Variants in GRAMD1C observed in about 807,000 individuals in gnomAD.
The protein encoded by GRAMD1C is GRAM domain containing 1C.
GRAMD1C carries 89 observed loss-of-function variants against 97.8 expected under a neutral mutation model. The observed-to-expected ratio is 0.91, with a 90% CI of 0.77 to 1.09. The LOEUF (loss-of-function observed/expected upper bound fraction) is 1.09, where lower values mean the gene tolerates loss of function less well. GRAMD1C is among the 50% of genes least tolerant of loss of function. The pLI is 0.00. For synonymous variants in GRAMD1C, 256 were observed against 267.0 expected, an observed-to-expected ratio of 0.96 and a Z score of 0.40; for missense variants, 740 against 766.4, an observed-to-expected ratio of 0.97 and a Z score of 0.41.
chr3:113,861,574 A>AT (rs1934375776), intron 2 of GRAMD1C, among the ~76,000 whole-genome samples: 2 of 152,226 alleles, frequency 1.3e-5, no homozygotes, highest in South Asian at 2.1e-4. Context: ...AAATGAAAAG[A>AT]TCACCCACAG....
upstream of GRAMD1C, among the ~76,000 whole-genome samples, chr3:113,834,806 G>A (rs1442964525): frequency 1.3e-5 from 2 of 151,508 alleles, no homozygotes; most frequent in Non-Finnish European, 2.9e-5. Flanking sequence ...TGGGCGTGGT[G>A]GTGGGCACCT....
At chr3:113,886,193 A>G (rs529210294) in intron 6 of GRAMD1C, among the ~76,000 whole-genome samples, 1 of 152,118 alleles carries the variant, frequency 6.6e-6, no homozygotes, top group Non-Finnish European at 1.5e-5. Flanking sequence ...CTCCACTTGG[A>G]GTCTGGATGG....
chr3:113,885,127 T>G (rs1935417514), intron 6 of GRAMD1C, among the ~76,000 whole-genome samples: 1 of 151,788 alleles, frequency 6.6e-6, no homozygotes, highest in South Asian at 2.1e-4. Flanking sequence ...CCGCTGGGCT[T>G]TCCCCTCGCC....
rs1248468192 is a variant in GRAMD1C, at chr3:113,936,329, C to G, written c.1520C>G (p.Thr507Ser). The change falls in exon 14 of 18, where the codon ACT (threonine) becomes AGT (serine). Residue 507 changes from threonine to serine, a missense_variant. By Grantham distance (58) the Thr-to-Ser change is moderately conservative. Coordinates refer to ENST00000358160, the MANE Select transcript of GRAMD1C (RefSeq NM_017577.5). ...NQAIEDPGKLTGLRRRRRTFN... is the reference protein window; with the variant it reads ...NQAIEDPGKLSGLRRRRRTFN... ...GCCATTGAAGACCCTGGAAAACTTA[C>G]TGGCCTACGAAGGAGAAGGCGAACC... 6.2e-7 allele frequency: 1 copy of G among 1,609,594 alleles called. No individual in the cohort carries two copies. The highest frequency in any genetic ancestry group is 2.2e-5 in the East Asian group (1 of 44,840).
intron 1 of GRAMD1C, among the ~76,000 whole-genome samples, chr3:113,833,245 C>T (rs1709585142): frequency 1.3e-5 from 2 of 150,924 alleles, no homozygotes; most frequent in Admixed American, 6.6e-5. Flanking sequence ...TCAAGCAATT[C>T]TCCTGCCTCA....
chr3:113,901,475 G>C (rs1936170324), intron 7 of GRAMD1C, among the ~76,000 whole-genome samples: 1 of 152,118 alleles, frequency 6.6e-6, no homozygotes. Context: ...TTATATGGTA[G>C]GTGTTTTGAA....
intron 11 of GRAMD1C, among the ~76,000 whole-genome samples, 173 bp from the exon 12 acceptor site, chr3:113,933,338 T>G (rs1160249446): frequency 6.6e-6 from 1 of 152,228 alleles, no homozygotes; most frequent in Non-Finnish European, 1.5e-5. Context: ...GGCCCTCTTT[T>G]TCTCAATTTA....
chr3:113,899,688 T>C (rs1341526221), intron 6 of GRAMD1C, among the ~76,000 whole-genome samples: 1 of 152,180 alleles, frequency 6.6e-6, no homozygotes. Flanking sequence ...CATCAGACCA[T>C]TGGTTATCAT....
In GRAMD1C at chr3:113,896,318, G is replaced by A. The variant is rs1026702815; in HGVS notation, c.541-4713G>A. Among the ~76,000 whole-genome samples, 2 of 151,928 alleles carry A rather than the reference G, an allele frequency of 1.3e-5. 1 individual carries two copies. Among genetic ancestry groups the A allele is most frequent in the Admixed American group, 1.3e-4 (2 of 15,256 alleles). The stretch of plus-strand genomic sequence containing the variant: ...CTTGCCTTTCATGACATTCTTTCTG[G>A]AATCTTCTCTTACCTTTCTGGTATT... On this transcript the variant is annotated intron_variant, in intron 6 of 17. Transcript: ENST00000358160.
At chr3:113,928,010 A>G (rs892550299) in intron 10 of GRAMD1C, among the ~76,000 whole-genome samples, 2 of 152,194 alleles carry the variant, frequency 1.3e-5, no homozygotes, top group Admixed American at 6.5e-5. Flanking sequence ...GGGTAGGGCC[A>G]GGGGAACCAG....
chr3:113,862,885 A>G (rs1040815932), intron 2 of GRAMD1C, among the ~76,000 whole-genome samples: 4 of 152,312 alleles, frequency 2.6e-5, no homozygotes, highest in Admixed American at 2.6e-4. Context: ...CTGCAACACA[A>G]TGGGAATGCC....
Position 113,903,738 on chromosome 3 carries a change from C to G in GRAMD1C, c.657-402C>G, listed in dbSNP as rs1303604481. Among the ~76,000 whole-genome samples the G allele has an allele frequency of 2.0e-5, 3 of 151,418 alleles. No homozygotes were observed. In the East Asian group the frequency reaches 5.8e-4, roughly 29 times the overall value. ...TTCGCCATTTCAGCTGAGACTGAGT[C>G]AGAAGGAAGGAGATATAAAACTGCC... On this transcript the variant is annotated intron_variant, in intron 7 of 17. Coordinates refer to ENST00000358160, the MANE Select transcript of GRAMD1C (RefSeq NM_017577.5).
At chr3:113,844,827 C>G (rs183197360) in intron 2 of GRAMD1C, 178 bp downstream of exon 2, 6 of 519,018 alleles carry the variant, frequency 1.2e-5, no homozygotes, top group African/African-American at 7.9e-5. Flanking sequence ...CACTAGAATG[C>G]ACTGTTGTCT....
upstream of GRAMD1C, among the ~76,000 whole-genome samples, chr3:113,834,465 C>A (rs1324231171): frequency 6.6e-6 from 1 of 151,986 alleles, no homozygotes; most frequent in Non-Finnish European, 1.5e-5. Context: ...AGGCATGAGC[C>A]ACCGCACCCA....
intron 9 of GRAMD1C, among the ~76,000 whole-genome samples, chr3:113,910,813 G>A (rs1936540880): frequency 6.6e-6 from 1 of 152,142 alleles, no homozygotes; most frequent in South Asian, 2.1e-4. Context: ...CCCAACTGGA[G>A]GGACGATCCC....
At chr3:113,896,298 C>T (rs961216215) in intron 6 of GRAMD1C, among the ~76,000 whole-genome samples, 5 of 152,182 alleles carry the variant, frequency 3.3e-5, no homozygotes, top group Non-Finnish European at 5.9e-5. Context: ...CTTCCCTTGC[C>T]TTTCATGACA....
At chr3:113,900,512 C>A (rs1936126862) in intron 6 of GRAMD1C, among the ~76,000 whole-genome samples, 1 of 150,298 alleles carries the variant, frequency 6.7e-6, no homozygotes. Flanking sequence ...CCTCCGCCCC[C>A]TGGGTTCAAT....
At chr3:113,841,461 TTTTG>T (rs1275224411) in intron 1 of GRAMD1C, among the ~76,000 whole-genome samples, 2 of 151,528 alleles carry the variant, frequency 1.3e-5, no homozygotes, top group Non-Finnish European at 2.9e-5. Flanking sequence ...AATTTTTGTA[TTTTG>T]TTTTAGTTGA....
Position 113,876,182 on chromosome 3 carries a change from G to T in GRAMD1C, c.381G>T (p.Lys127Asn). ...GTGTTTAGATTTCTATTGCTTTAAA[G>T]AATATAACCTTCATGACCAAGGAAA... ...RWETTISIAL[K>N]NITFMTKEKT... The change falls in exon 5 of 18, where the codon AAG becomes AAT. Residue 127 changes from lysine (K) to asparagine (N), a missense_variant. Coordinates refer to ENST00000358160, the MANE Select transcript of GRAMD1C (RefSeq NM_017577.5). 1 of 1,572,408 alleles carries T rather than the reference G, an allele frequency of 6.4e-7. No homozygotes were observed. The highest frequency in any genetic ancestry group is 1.1e-5 in the South Asian group (1 of 89,258).
Sources: allele counts gnomAD v4.1 joint callset (sites outside exome capture counted in the v4.1 genomes callset), GRCh38; gene constraint gnomAD v4.1.1; transcripts MANE v1.5; gene names NCBI Gene and HGNC (gene_info 2026-07-23, HGNC 2026-07-21).